MAGI1: variants seen among roughly 807,000 people sequenced by gnomAD.
MAGI1 encodes membrane associated guanylate kinase, WW and PDZ domain containing 1.
A neutral mutation model predicts 139.9 loss-of-function variants in MAGI1; 58 were observed. The ratio of observed to expected loss-of-function variants is 0.41; its 90% CI spans 0.34 to 0.52. MAGI1 has a LOEUF of 0.52. Among genes scored for constraint, MAGI1 ranks in the 20% least tolerant of loss-of-function variants. The pLI, the probability that MAGI1 is intolerant of heterozygous loss-of-function variation, is 0.12. For missense variants in MAGI1, 1,874 were observed against 1,901.6 expected (o/e 0.99, Z 0.27); for synonymous variants, 812 against 737.9 (o/e 1.10, Z -1.63).
chr3:65,749,576 A>T (rs1202280486), intron 1 of MAGI1, among the ~76,000 whole-genome samples: 1 of 152,070 alleles, frequency 6.6e-6, no homozygotes, highest in Non-Finnish European at 1.5e-5. Context: ...TCCAGTGTAT[A>T]CTGCTTGCAT....
In MAGI1 at chr3:65,361,239, A is replaced by C; in HGVS notation, c.3594T>G (p.Arg1198=). 6.2e-7 allele frequency: 1 copy of C among 1,614,172 alleles called. No individual in the cohort carries two copies. The highest frequency in any genetic ancestry group is 8.5e-7 in the Non-Finnish European group (1 of 1,180,008). The part of the protein sequence containing the change: ...ELIKNGGRRV[R]LFLKRGDGSV... ...AGCCGTCTCCCCGCTTCAGAAACAG[A>C]CGAACTCTGCGGCCACCATTCTTAA... is the stretch of plus-strand genomic sequence containing the variant. The change falls in exon 22 of 23, where the codon CGT becomes CGG. Residue 1198 remains arginine, a synonymous_variant. Coordinates refer to ENST00000402939, the MANE Select transcript of MAGI1 (RefSeq NM_001033057.2).
chr3:65,654,726 T>G (rs2085775527), intron 1 of MAGI1, among the ~76,000 whole-genome samples: 1 of 152,166 alleles, frequency 6.6e-6, no homozygotes, highest in African/African-American at 2.4e-5. Context: ...TCTCCTCTAC[T>G]CACCCAGAAG....
chr3:65,552,083 T>C (rs1211049440), intron 2 of MAGI1, among the ~76,000 whole-genome samples: 1 of 152,194 alleles, frequency 6.6e-6, no homozygotes, highest in Non-Finnish European at 1.5e-5. Context: ...TCATTCATTG[T>C]TTGGAATGGA....
At chr3:65,652,573 G>A (rs11923504) in intron 1 of MAGI1, among the ~76,000 whole-genome samples, 36,762 of 152,014 alleles carry the variant, frequency 0.24, 5,185 homozygotes, top group East Asian at 0.58. Context: ...TCAGTTGAGA[G>A]CTACTGCTTT....
At position 65,797,175 on chromosome 3, in the gene MAGI1, A is replaced by G. The variant is rs9838304; in HGVS notation, c.314-175087T>C. On this transcript the variant is annotated intron_variant, in intron 1 of 22. Coordinates refer to ENST00000402939, the MANE Select transcript of MAGI1 (RefSeq NM_001033057.2). The stretch of plus-strand genomic sequence containing the variant: ...TCCTCAGTCTCTGAGATACAAGGCA[A>G]GTCCAATTAGTGCAGACAATGTAAG... Among the ~76,000 whole-genome samples, 455 of 152,362 alleles carry G rather than the reference A, an allele frequency of 3.0e-3. 3 individuals carry two copies. Among genetic ancestry groups the G allele is most frequent in the African/African-American group, 0.01 (423 of 41,588 alleles).
chr3:65,716,695 T>C (rs993219141), intron 1 of MAGI1, among the ~76,000 whole-genome samples: 2 of 152,194 alleles, frequency 1.3e-5, no homozygotes, highest in Non-Finnish European at 2.9e-5. Flanking sequence ...CTCTTCTTCA[T>C]GGGACCCAAG....
At chr3:65,886,948 G>T (rs2060557829) in intron 1 of MAGI1, among the ~76,000 whole-genome samples, 1 of 152,054 alleles carries the variant, frequency 6.6e-6, no homozygotes, top group Non-Finnish European at 1.5e-5. Flanking sequence ...TTCAGAATGG[G>T]TATACACCAC....
At chr3:65,665,087 A>G (rs1188976462) in intron 1 of MAGI1, among the ~76,000 whole-genome samples, 1 of 152,200 alleles carries the variant, frequency 6.6e-6, no homozygotes, top group African/African-American at 2.4e-5. Context: ...CTAATCATAG[A>G]TACACTGACT....
At chr3:65,862,542 T>C (rs1242481753) in intron 1 of MAGI1, among the ~76,000 whole-genome samples, 1 of 152,196 alleles carries the variant, frequency 6.6e-6, no homozygotes, top group Non-Finnish European at 1.5e-5. Flanking sequence ...CACACCTAGT[T>C]TCTATTCCAC....
chr3:65,809,710 T>C (rs987691785), intron 1 of MAGI1, among the ~76,000 whole-genome samples: 2 of 152,108 alleles, frequency 1.3e-5, no homozygotes, highest in Non-Finnish European at 2.9e-5. Context: ...GTTGCCCAGA[T>C]AAAAAGTGGC....
intron 1 of MAGI1, among the ~76,000 whole-genome samples, chr3:65,628,610 G>T (rs1488897962): frequency 6.6e-6 from 1 of 151,928 alleles, no homozygotes; most frequent in South Asian, 2.1e-4. Context: ...ATAAATGATA[G>T]CATTTGGGCA....
chr3:65,933,020 A>G (rs2062874660), intron 1 of MAGI1, among the ~76,000 whole-genome samples: 1 of 152,202 alleles, frequency 6.6e-6, no homozygotes, highest in African/African-American at 2.4e-5. Flanking sequence ...CCTAAGACCA[A>G]ATGCTCCATT....
intron 1 of MAGI1, among the ~76,000 whole-genome samples, chr3:65,999,810 T>A (rs2066643293): frequency 6.6e-6 from 1 of 151,990 alleles, no homozygotes; most frequent in Non-Finnish European, 1.5e-5. Context: ...AATTGTGCTT[T>A]CGAACTAATA....
chr3:65,688,534 G>GT (rs1372159341), intron 1 of MAGI1: 1 of 412,190 alleles, frequency 2.4e-6, no homozygotes, highest in Admixed American at 3.0e-5. Context: ...GCTACTGGTA[G>GT]GTGCTACTGT....
chr3:65,934,517 T>C (rs2062955157), intron 1 of MAGI1, among the ~76,000 whole-genome samples: 8 of 152,188 alleles, frequency 5.3e-5, no homozygotes, highest in Admixed American at 5.2e-4. Flanking sequence ...AGACTACAAG[T>C]AGGACTTTTT....
chr3:65,766,573 A>G (rs2037492764), intron 1 of MAGI1, among the ~76,000 whole-genome samples: 1 of 152,160 alleles, frequency 6.6e-6, no homozygotes. Flanking sequence ...CGCAAGAATT[A>G]TCTTAATCAC....
chr3:65,725,317 T>C (rs1213067628), intron 1 of MAGI1, among the ~76,000 whole-genome samples: 2 of 152,184 alleles, frequency 1.3e-5, no homozygotes, highest in African/African-American at 2.4e-5. Flanking sequence ...TGTCTCCATC[T>C]GAAAAACAGG....
At chr3:65,739,648 G>T (rs900289532) in intron 1 of MAGI1, among the ~76,000 whole-genome samples, 2 of 152,158 alleles carry the variant, frequency 1.3e-5, no homozygotes, top group African/African-American at 4.8e-5. Flanking sequence ...AGAGTCCATT[G>T]CAGGGTATTA....
chr3:65,569,058 A>C (rs2108058195), intron 2 of MAGI1, among the ~76,000 whole-genome samples: 1 of 152,366 alleles, frequency 6.6e-6, no homozygotes, highest in South Asian at 2.1e-4. Flanking sequence ...GCCTATAGAT[A>C]GATGAATAGA....
Sources: allele counts gnomAD v4.1 joint callset (sites outside exome capture counted in the v4.1 genomes callset), GRCh38; gene constraint gnomAD v4.1.1; transcripts MANE v1.5; gene names NCBI Gene and HGNC (gene_info 2026-07-23, HGNC 2026-07-21).